Variants in ZNF490 observed in about 807,000 individuals in gnomAD.
The protein encoded by ZNF490 is zinc finger protein 490.
In ZNF490, 11 loss-of-function variants were observed where a neutral mutation model predicts 17.7. That is an observed-to-expected ratio of 0.62 (90% confidence interval 0.39 to 1.03). The LOEUF (loss-of-function observed/expected upper bound fraction) is 1.03, where lower values mean the gene tolerates loss of function less well. Ranked by LOEUF, ZNF490 falls within the 50% of genes least tolerant of loss-of-function variation. The pLI is 0.00. For missense variants in ZNF490, 542 were observed against 643.4 expected (o/e 0.84, Z 1.71); for synonymous variants, 222 against 216.1 (o/e 1.03, Z -0.24).
At chr19:12,610,037 C>CA (rs1223669517) in intron 1 of ZNF490, 4 of 429,022 alleles carry the variant, frequency 9.3e-6, no homozygotes, top group African/African-American at 4.2e-5. Context: ...AACAAACAAA[C>CA]AAAAAAACAA....
chr19:12,609,353 ACT>A lies in ZNF490; in HGVS notation c.118-153_118-152del, dbSNP rs1023330254. On this transcript the variant is annotated intron_variant, in intron 1 of 4. Transcript: ENST00000311437. Reference sequence around the variant, plus strand: ...GGATCATGGGAGTTTTCAAGATTACACTGTCTCCTCTATAATGGGAAAAATGA... The same window carrying A: ...GGATCATGGGAGTTTTCAAGATTACAGTCTCCTCTATAATGGGAAAAATGA... 5 of 653,024 alleles carry A rather than the reference ACT, an allele frequency of 7.7e-6. No individual in the cohort carries two copies. In the African/African-American group the frequency reaches 9.1e-5, roughly 12 times the overall value. 40.5% of individuals were successfully genotyped at this position (653,024 alleles called of 1,614,324 possible).
chr19:12,582,865 T>C lies in ZNF490; in HGVS notation c.335A>G (p.Gln112Arg), dbSNP rs759586018. 6.2e-7 allele frequency: 1 copy of C among 1,612,940 alleles called. No individual in the cohort carries two copies. The highest frequency in any genetic ancestry group is 8.5e-7 in the Non-Finnish European group (1 of 1,179,248). The change falls in exon 4 of 5, where the codon CAG becomes CGG. Residue 112 changes from glutamine to arginine, a missense_variant. By Grantham distance (43) the Gln-to-Arg change is conservative. Transcript: ENST00000311437. ...TGCAACTCACCTTAGATTTCTTCCC[T>C]GGTTTTTGTGTTCATCTTCAATATC... ...DQDIEDEHKN[Q>R]GRNLRSPMVE...
chr19:12,605,190 C>G (rs973768799), intron 2 of ZNF490, among the ~76,000 whole-genome samples: 8 of 151,612 alleles, frequency 5.3e-5, no homozygotes, highest in Non-Finnish European at 7.4e-5. Flanking sequence ...AATAAAATAT[C>G]CTTTGTAAGA....
At chr19:12,602,750 G>A (rs942245648) in intron 2 of ZNF490, among the ~76,000 whole-genome samples, 2 of 150,834 alleles carry the variant, frequency 1.3e-5, no homozygotes, top group African/African-American at 4.9e-5. Flanking sequence ...TCAGCCTCCC[G>A]AGAAGCTGGG....
In ZNF490 at chr19:12,604,426, C is replaced by T. The variant is rs151014097; in HGVS notation, c.162+4732G>A. Among the ~76,000 whole-genome samples the T allele has an allele frequency of 2.2e-3, 332 of 151,948 alleles. 2 individuals are homozygous for T. Among genetic ancestry groups the T allele is most frequent in the African/African-American group, 7.5e-3 (312 of 41,458 alleles). ...CAGCACTTTGGGAGGACAAGGTGGG[C>T]GGATCATGAGGTCAGGAGTTCGAGA... is the stretch of plus-strand genomic sequence containing the variant. On this transcript the variant is annotated intron_variant, in intron 2 of 4. Coordinates refer to ENST00000311437, the MANE Select transcript of ZNF490 (RefSeq NM_020714.3).
chr19:12,581,134 G>A lies in ZNF490; in HGVS notation c.941C>T (p.Ala314Val). 6.2e-7 allele frequency: 1 copy of A among 1,614,206 alleles called. No homozygotes were observed. The highest frequency in any genetic ancestry group is 1.1e-5 in the South Asian group (1 of 91,088). ...KPYECKQCGK[A>V]FSCPTYLRSH... Reference sequence around the variant, plus strand: ...CCGTAAGTACGTGGGACAACTGAAGGCTTTCCCACATTGCTTACATTCATA... The same window carrying A: ...CCGTAAGTACGTGGGACAACTGAAGACTTTCCCACATTGCTTACATTCATA... The change falls in exon 5 of 5, where the codon GCC becomes GTC. Residue 314 changes from alanine to valine, a missense_variant. By Grantham distance (64) the Ala-to-Val change is moderately conservative. Coordinates refer to ENST00000311437, the MANE Select transcript of ZNF490 (RefSeq NM_020714.3).
At chr19:12,598,560 C>T (rs56150794) in intron 2 of ZNF490, among the ~76,000 whole-genome samples, 1 of 151,374 alleles carries the variant, frequency 6.6e-6, no homozygotes, top group Non-Finnish European at 1.5e-5. Flanking sequence ...TTTTAGTAGA[C>T]ACGGGGTTTC....
chr19:12,584,451 C>T (rs1184862164), intron 2 of ZNF490, among the ~76,000 whole-genome samples: 2 of 94,492 alleles, frequency 2.1e-5, no homozygotes. Flanking sequence ...CCACCGCGCC[C>T]GGCCACCTTA....
At chr19:12,607,826 TC>T (rs2023088822) in intron 2 of ZNF490, among the ~76,000 whole-genome samples, 1 of 151,790 alleles carries the variant, frequency 6.6e-6, no homozygotes, top group African/African-American at 2.4e-5. Context: ...ATTGATAGCT[TC>T]CCCATTTCGG....
At chr19:12,606,963 C>T (rs1233137154) in intron 2 of ZNF490, among the ~76,000 whole-genome samples, 2 of 152,104 alleles carry the variant, frequency 1.3e-5, no homozygotes, top group Non-Finnish European at 2.9e-5. Context: ...ATTAGCCCCA[C>T]CCAATCATAC....
At chr19:12,609,849 G>C (rs1368775977) in intron 1 of ZNF490, 1 of 431,340 alleles carries the variant, frequency 2.3e-6, no homozygotes, top group Non-Finnish European at 4.6e-6. Flanking sequence ...CAGAGAGGGG[G>C]GATGAGGGAT....
intron 2 of ZNF490, among the ~76,000 whole-genome samples, chr19:12,603,611 C>T (rs542904639): frequency 2.0e-4 from 30 of 151,938 alleles, no homozygotes; most frequent in African/African-American, 6.8e-4. Context: ...GGCAACATGG[C>T]GAAAACCCAT....
chr19:12,605,846 G>A (rs2023061619), intron 2 of ZNF490, among the ~76,000 whole-genome samples: 1 of 152,008 alleles, frequency 6.6e-6, no homozygotes, highest in African/African-American at 2.4e-5. Flanking sequence ...ATCCCTTTAA[G>A]AAAAGTGTAT....
intron 2 of ZNF490, among the ~76,000 whole-genome samples, chr19:12,599,040 TA>T (rs1328262268): frequency 1.5e-5 from 2 of 134,750 alleles, no homozygotes; most frequent in Non-Finnish European, 3.1e-5. Context: ...TGATCCCAGC[TA>T]TTCTGGAGGC....
intron 2 of ZNF490, among the ~76,000 whole-genome samples, chr19:12,602,614 T>C (rs1189640246): frequency 1.3e-5 from 2 of 151,794 alleles, no homozygotes; most frequent in Non-Finnish European, 2.9e-5. Context: ...CAGCCCATCA[T>C]GTATATTTCT....
In ZNF490 at chr19:12,577,435, C is replaced by T. The variant is rs908090544; in HGVS notation, c.*3050G>A. 1.0e-6 allele frequency: 1 copy of T among 985,198 alleles called. No homozygotes were observed. Among genetic ancestry groups the T allele is most frequent in the African/African-American group, 1.7e-5 (1 of 57,214 alleles). The allele number at this position is 985,198 out of a possible 1,614,324, so 61.0% of individuals were successfully genotyped here. On this transcript the variant is annotated 3_prime_UTR_variant, in exon 5 of 5. Transcript: ENST00000311437. ...TAATCATCTCTCTACAAAAGCACAA[C>T]ATGGCAGCTCAAGAATGTGAAAGGA...
At position 12,581,153 on chromosome 19, in the gene ZNF490, A is replaced by G. The variant is rs767281705; in HGVS notation, c.922T>C (p.Cys308Arg). 4 of 1,612,756 alleles carry G rather than the reference A, an allele frequency of 2.5e-6. No homozygotes were observed. In the East Asian group the frequency reaches 8.9e-5, roughly 36 times the overall value. ...RTHTGEKPYECKQCGKAFSCP... is the reference protein window; with the variant it reads ...RTHTGEKPYERKQCGKAFSCP... ...CTGAAGGCTTTCCCACATTGCTTAC[A>G]TTCATAAGGTTTCTCTCCAGTGTGA... Residue 308 changes from cysteine to arginine, a missense_variant, in exon 5 of 5, where the codon TGT (cysteine) becomes CGT (arginine). Transcript: ENST00000311437.
At chr19:12,601,075 G>GT in intron 2 of ZNF490, among the ~76,000 whole-genome samples, 1 of 148,252 alleles carries the variant, frequency 6.7e-6, no homozygotes, top group Non-Finnish European at 1.5e-5. Flanking sequence ...GACAGGGTAA[G>GT]ACCCTGTCTC....
In ZNF490 at chr19:12,576,937, G is replaced by C. The variant is rs571819644; in HGVS notation, c.*3548C>G. 6.6e-6 allele frequency among the ~76,000 whole-genome samples: 1 copy of C among 151,758 alleles called. No individual in the cohort carries two copies. Among genetic ancestry groups the C allele is most frequent in the African/African-American group, 2.4e-5 (1 of 41,350 alleles). ...ACACACGTTATCACTGTACATACAGGTGGACAGACACAAATTCACAAACCC... is the reference window on the plus strand; with the variant it reads ...ACACACGTTATCACTGTACATACAGCTGGACAGACACAAATTCACAAACCC... On this transcript the variant is annotated 3_prime_UTR_variant, in exon 5 of 5. Coordinates refer to ENST00000311437, the MANE Select transcript of ZNF490 (RefSeq NM_020714.3).
Sources: gnomAD v4.1 joint callset for allele counts (sites outside exome capture counted in the v4.1 genomes callset) on GRCh38, gnomAD v4.1.1 for gene constraint, MANE v1.5 for transcripts, NCBI Gene and HGNC (gene_info 2026-07-23, HGNC 2026-07-21) for gene names.